The following ZNF329 variants were observed in gnomAD, a reference collection of about 807,000 sequenced individuals.
The protein encoded by ZNF329 is zinc finger protein 329.
In ZNF329, 15 loss-of-function variants were observed where a neutral mutation model predicts 26.6. The ratio of observed to expected loss-of-function variants is 0.56; its 90% confidence interval spans 0.38 to 0.87. The LOEUF (loss-of-function observed/expected upper bound fraction) is 0.87, where lower values mean the gene tolerates loss of function less well. ZNF329 is among the 40% of genes least tolerant of loss of function. The probability of loss-of-function intolerance (pLI) is 0.00; values close to 1 mark genes in which losing one functional copy is unlikely to be tolerated. For missense variants in ZNF329, 651 were observed against 651.9 expected (o/e 1.00, Z 0.02); for synonymous variants, 239 against 233.5 (o/e 1.02, Z -0.21).
In ZNF329 at chr19:58,127,907, G is replaced by C; in HGVS notation, c.1597C>G (p.His533Asp). 6.2e-7 allele frequency: 1 copy of C among 1,605,230 alleles called. No individual in the cohort carries two copies. ...GTTTCCATGGGTTGCTCTCCCAGGT[G>C]TGCTCTTTGATGTCGAACAAGGGAT... ...SSSLVRHQRA[H>D]LGEQPMET is the part of the protein sequence containing the mutation. Residue 533 changes from histidine (H) to aspartate (D), a missense_variant, in exon 4 of 4, where the codon CAC becomes GAC. Coordinates refer to ENST00000598312, the MANE Select transcript of ZNF329 (RefSeq NM_024620.4).
At chr19:58,141,825 G>A (rs891542506) in intron 3 of ZNF329, among the ~76,000 whole-genome samples, 10 of 151,764 alleles carry the variant, frequency 6.6e-5, no homozygotes, top group African/African-American at 1.7e-4. Flanking sequence ...CCCAAGAGGC[G>A]GAGGTTGCAG....
chr19:58,145,795 G>A (rs1349465272), intron 1 of ZNF329, among the ~76,000 whole-genome samples: 1 of 152,014 alleles, frequency 6.6e-6, no homozygotes, highest in Non-Finnish European at 1.5e-5. Context: ...TCCTGGCAGA[G>A]AGCACTTTAA....
At chr19:58,146,818 G>T (rs2075321253) in intron 1 of ZNF329, among the ~76,000 whole-genome samples, 1 of 152,008 alleles carries the variant, frequency 6.6e-6, no homozygotes, top group Admixed American at 6.5e-5. Context: ...CTCCCGAGGT[G>T]CCGGGATTGC....
In ZNF329 at chr19:58,128,415, CCT is replaced by C; in HGVS notation, c.1087_1088del (p.Arg363AspfsTer9). The C allele has an allele frequency of 1.2e-6, 2 of 1,613,768 alleles. No homozygotes were observed. The highest frequency in any genetic ancestry group is 1.7e-6 in the Non-Finnish European group (2 of 1,179,936). Reference protein sequence around the residue: ...RDGSYLTQHERTHTGEKPFEC... With the variant: ...RDGSYLTQHEXTHTGEKPFEC... ...CAAAGGGCTTTTCTCCAGTGTGAGT[CCT>C]CTCATGCTGGGTGAGGTACGAGCCG... is the stretch of plus-strand genomic sequence containing the variant. On this transcript the variant is annotated frameshift_variant, in exon 4 of 4. Coordinates refer to ENST00000598312, the MANE Select transcript of ZNF329 (RefSeq NM_024620.4). LOFTEE classifies it high-confidence loss of function.
chr19:58,143,339 G>A (rs1348109107), intron 1 of ZNF329, 141 bp from the exon 2 acceptor site: 1 of 152,142 alleles, frequency 6.6e-6, no homozygotes, highest in African/African-American at 2.4e-5. Context: ...GAAAGGGCTG[G>A]GTACTGAAAC....
chr19:58,148,521 T>C (rs2075378232), intron 1 of ZNF329, among the ~76,000 whole-genome samples: 1 of 151,740 alleles, frequency 6.6e-6, no homozygotes, highest in African/African-American at 2.4e-5. Flanking sequence ...AAAGTATACT[T>C]GGGTGTGATA....
intron 3 of ZNF329, among the ~76,000 whole-genome samples, chr19:58,138,381 G>T (rs1233870195): frequency 6.6e-6 from 1 of 152,150 alleles, no homozygotes; most frequent in Non-Finnish European, 1.5e-5. Flanking sequence ...TTAAACATCA[G>T]AAAAAAGGAA....
Position 58,129,135 on chromosome 19 carries a change from A to T in ZNF329, c.369T>A (p.Asp123Glu). The T allele has an allele frequency of 1.9e-6, 3 of 1,614,144 alleles. No individual in the cohort carries two copies. The highest frequency in any genetic ancestry group is 2.5e-6 in the Non-Finnish European group (3 of 1,180,034). Residue 123 changes from aspartate (D) to glutamate (E), a missense_variant, in exon 4 of 4, where the codon GAT becomes GAA. Asp to Glu is a conservative substitution (Grantham distance 45). Transcript: ENST00000598312. ...SYADKRTGDS[D>E]ACGKGFNHSM... Reference sequence around the variant, plus strand: ...AATGGTTGAAGCCTTTTCCACAGGCATCACTGTCACCAGTTCTCTTATCTG... The same window carrying T: ...AATGGTTGAAGCCTTTTCCACAGGCTTCACTGTCACCAGTTCTCTTATCTG...
At chr19:58,147,858 GC>G (rs1401670817) in intron 1 of ZNF329, among the ~76,000 whole-genome samples, 3 of 151,082 alleles carry the variant, frequency 2.0e-5, no homozygotes, top group Non-Finnish European at 2.9e-5. Flanking sequence ...GAAGTGAGGA[GC>G]CCCTATGCCC....
chr19:58,131,766 G>C (rs2074949567), intron 3 of ZNF329, among the ~76,000 whole-genome samples: 1 of 152,188 alleles, frequency 6.6e-6, no homozygotes, highest in African/African-American at 2.4e-5. Flanking sequence ...GGTCACGCCT[G>C]TAATCCCAGC....
rs2074812649 is a variant in ZNF329, at chr19:58,126,856, T to A, written c.*1022A>T. 6.6e-6 allele frequency: 1 copy of A among 152,220 alleles called. No individual in the cohort carries two copies. The highest frequency in any genetic ancestry group is 2.4e-5 in the African/African-American group (1 of 41,462). The allele number at this position is 152,220 out of a possible 1,614,324, so 9.4% of individuals were successfully genotyped here. On this transcript the variant is annotated 3_prime_UTR_variant, in exon 4 of 4. Transcript: ENST00000598312. ...TTTTGGTAGAGATGGGGTTTCACCA[T>A]GCTGGCCAGGCTGGTCTTGAACTCC...
At position 58,127,795 on chromosome 19, in the gene ZNF329, G is replaced by A; in HGVS notation, c.*83C>T. 7.7e-7 allele frequency: 1 copy of A among 1,299,648 alleles called. No individual in the cohort carries two copies. Among genetic ancestry groups the A allele is most frequent in the Non-Finnish European group, 1.1e-6 (1 of 938,700 alleles). The allele number at this position is 1,299,648 out of a possible 1,614,324, so 80.5% of individuals were successfully genotyped here. A position where few individuals can be genotyped will look rare whatever the true frequency, so the allele number is the denominator to read the frequency against. On this transcript the variant is annotated 3_prime_UTR_variant, in exon 4 of 4. Transcript: ENST00000598312. ...ATAGCTTAAAGGATTCTTTTCTACT[G>A]ACCAGAGAGGAGTCAGATCTAAGAC...
intron 1 of ZNF329, among the ~76,000 whole-genome samples, chr19:58,148,677 A>C (rs1440439255): frequency 6.6e-6 from 1 of 152,120 alleles, no homozygotes; most frequent in Non-Finnish European, 1.5e-5. Flanking sequence ...ACATAGTGAG[A>C]TCTCATCTCT....
rs965975926 is a variant in ZNF329, at chr19:58,135,828, C to T, written c.-8-6317G>A. ...TTAAAAGCCAGTAACAGAAAGAAAA[C>T]CAAATATAATAAAACAGCGAGTAAA... On this transcript the variant is annotated intron_variant, in intron 3 of 3. Coordinates refer to ENST00000598312, the MANE Select transcript of ZNF329 (RefSeq NM_024620.4). 9.9e-5 allele frequency among the ~76,000 whole-genome samples: 15 copies of T among 151,232 alleles called. 1 individual carries two copies. Among genetic ancestry groups the T allele is most frequent in the Middle Eastern group, 6.8e-3 (2 of 294 alleles).
At chr19:58,146,070 T>C (rs1354479874) in intron 1 of ZNF329, among the ~76,000 whole-genome samples, 2 of 149,970 alleles carry the variant, frequency 1.3e-5, no homozygotes, top group African/African-American at 4.9e-5. Flanking sequence ...GACAAGTCAA[T>C]GTAACACAGG....
chr19:58,127,791 T>C lies in ZNF329; in HGVS notation c.*87A>G. 7.8e-7 allele frequency: 1 copy of C among 1,280,346 alleles called. No homozygotes were observed. The highest frequency in any genetic ancestry group is 1.1e-6 in the Non-Finnish European group (1 of 922,048). The allele number at this position is 1,280,346 out of a possible 1,614,324, so 79.3% of individuals were successfully genotyped here. On this transcript the variant is annotated 3_prime_UTR_variant, in exon 4 of 4. Transcript: ENST00000598312. ...CTGGATAGCTTAAAGGATTCTTTTC[T>C]ACTGACCAGAGAGGAGTCAGATCTA... is the stretch of plus-strand genomic sequence containing the variant.
chr19:58,152,874 C>G (rs1284037805), upstream of ZNF329, among the ~76,000 whole-genome samples: 1 of 151,814 alleles, frequency 6.6e-6, no homozygotes, highest in East Asian at 1.9e-4. Flanking sequence ...AAGTCAGGCA[C>G]CCTTTATTAG....
Position 58,128,752 on chromosome 19 carries a change from C to A in ZNF329, c.752G>T (p.Arg251Ile). 1 of 1,604,510 alleles carries A rather than the reference C, an allele frequency of 6.2e-7. No homozygotes were observed. Among genetic ancestry groups the A allele is most frequent in the Non-Finnish European group, 8.5e-7 (1 of 1,175,754 alleles). Residue 251 changes from arginine to isoleucine, a missense_variant, in exon 4 of 4, where the codon AGA becomes ATA. Coordinates refer to ENST00000598312, the MANE Select transcript of ZNF329 (RefSeq NM_024620.4). ...SKNYNLIVHQRIHTGEKPYEC... is the reference protein window; with the variant it reads ...SKNYNLIVHQIIHTGEKPYEC... ...ATAGGGCTTCTCTCCTGTGTGGATT[C>A]TTTGATGCACAATCAGGTTGTAGTT...
intron 1 of ZNF329, among the ~76,000 whole-genome samples, chr19:58,148,144 G>C (rs972314139): frequency 6.6e-6 from 1 of 151,746 alleles, no homozygotes; most frequent in African/African-American, 2.4e-5. Context: ...GGGTTAAATG[G>C]ATTAAGGGCG....
Sources: allele counts gnomAD v4.1 joint callset (sites outside exome capture counted in the v4.1 genomes callset), GRCh38; gene constraint gnomAD v4.1.1; transcripts MANE v1.5; gene names NCBI Gene and HGNC (gene_info 2026-07-23, HGNC 2026-07-21).